Variants in TRPM7 observed in about 807,000 individuals in gnomAD.
The protein encoded by TRPM7 is transient receptor potential cation channel subfamily M member 7.
In TRPM7, 134 loss-of-function variants were observed where a neutral mutation model predicts 229.7. The observed-to-expected ratio is 0.58, with a 90% CI of 0.51 to 0.67. TRPM7 has a LOEUF of 0.67. Ranked by LOEUF, TRPM7 falls within the 30% of genes least tolerant of loss-of-function variation. The pLI is 0.00. For synonymous variants in TRPM7, 699 were observed against 715.2 expected (o/e 0.98, Z 0.36); for missense variants, 1,901 against 2,210.0 (o/e 0.86, Z 2.80).
Position 50,679,195 on chromosome 15 carries a change from GTTGGTGGT to G in TRPM7, c.3+7328_3+7335del, listed in dbSNP as rs1462597718. The stretch of plus-strand genomic sequence containing the variant: ...TCAAAAAAATTTTTTAATTAGCCAG[GTTGGTGGT>G]ATGGGCCTGTCATTTTAGGTACTTG... On this transcript the variant is annotated intron_variant, in intron 1 of 38. Coordinates refer to ENST00000646667, the MANE Select transcript of TRPM7 (RefSeq NM_017672.6). Among the ~76,000 whole-genome samples the G allele has an allele frequency of 2.3e-4, 34 of 150,986 alleles. 2 individuals are homozygous for G. The highest frequency in any genetic ancestry group is 5.6e-4 in the African/African-American group (23 of 40,828).
chr15:50,605,189 C>T (rs560782989), intron 20 of TRPM7, 45 bp from the exon 21 acceptor site: 2 of 1,454,808 alleles, frequency 1.4e-6, no homozygotes, highest in South Asian at 2.7e-5. Context: ...CAGTTTATTC[C>T]TATTAAAACA....
chr15:50,611,407 C>T (rs2140474969), intron 16 of TRPM7, 86 bp from the exon 17 acceptor site: 4 of 946,944 alleles, frequency 4.2e-6, no homozygotes, highest in Middle Eastern at 2.4e-4. Context: ...ATACTTCCTA[C>T]TTTTTAATAT....
chr15:50,681,175 C>T lies in TRPM7; in HGVS notation c.3+5356G>A, dbSNP rs142490147. 2.6e-3 allele frequency among the ~76,000 whole-genome samples: 400 copies of T among 151,934 alleles called. 1 individual carries two copies. Among genetic ancestry groups the T allele is most frequent in the African/African-American group, 9.3e-3 (384 of 41,404 alleles). Reference sequence around the variant, plus strand: ...CTGAGGCAGGAGAATCACTTGAACCCGGGAGGCAGAGGTTGCAGTGAGCCA... The same window carrying T: ...CTGAGGCAGGAGAATCACTTGAACCTGGGAGGCAGAGGTTGCAGTGAGCCA... On this transcript the variant is annotated intron_variant, in intron 1 of 38. Transcript: ENST00000646667.
At chr15:50,593,541 A>G in intron 25 of TRPM7, 76 bp downstream of exon 25, 1 of 1,434,236 alleles carries the variant, frequency 7.0e-7, no homozygotes, top group Non-Finnish European at 9.5e-7. Flanking sequence ...AAATTTAACA[A>G]TGACCATGTA....
At position 50,569,878 on chromosome 15, in the gene TRPM7, A is replaced by G. The variant is rs1007765113; in HGVS notation, c.5467+9T>C. The G allele has an allele frequency of 4.4e-6, 7 of 1,590,284 alleles. No individual in the cohort carries two copies. In the Admixed American group the frequency reaches 8.9e-5, roughly 20 times the overall value. On this transcript the variant is annotated intron_variant, in intron 38 of 38. Coordinates refer to ENST00000646667, the MANE Select transcript of TRPM7 (RefSeq NM_017672.6). ...ATTTATATACTATACTGATTAAGAA[A>G]TTTTTTACCTGGAAGTTTAAGCTTT...
intron 8 of TRPM7, among the ~76,000 whole-genome samples, chr15:50,633,374 T>C (rs1408511005): frequency 6.6e-6 from 1 of 152,196 alleles, no homozygotes; most frequent in Non-Finnish European, 1.5e-5. Context: ...TACATTTTCA[T>C]GGCTCAAAAA....
At chr15:50,588,285 A>C (rs947467060) in intron 27 of TRPM7, 84 of 961,390 alleles carry the variant, frequency 8.7e-5, no homozygotes, top group African/African-American at 1.4e-4. Context: ...AACTATTCTC[A>C]AACTTAAAGG....
intron 12 of TRPM7, among the ~76,000 whole-genome samples, chr15:50,622,192 AT>A (rs1189460020): frequency 6.6e-6 from 1 of 152,176 alleles, no homozygotes. Context: ...TAAAACTCTC[AT>A]TTTTACATTC....
chr15:50,609,991 T>TA, intron 17 of TRPM7, 30 bp from the exon 18 acceptor site: 1 of 1,431,256 alleles, frequency 7.0e-7, no homozygotes, highest in Non-Finnish European at 9.6e-7. Context: ...ATTTTGCATT[T>TA]AAAAATTAAT....
Position 50,605,163 on chromosome 15 carries a change from C to T in TRPM7, c.2710-19G>A, listed in dbSNP as rs368338189. The T allele has an allele frequency of 6.5e-7, 1 of 1,542,934 alleles. No homozygotes were observed. The highest frequency in any genetic ancestry group is 1.4e-5 in the African/African-American group (1 of 71,862). On this transcript the variant is annotated intron_variant, in intron 20 of 38. Coordinates refer to ENST00000646667, the MANE Select transcript of TRPM7 (RefSeq NM_017672.6). Reference sequence around the variant, plus strand: ...TAAAGATCTAAAGGTTTAACAACAACAAAAAAAAGTGTAATCAGTTTATTC... The same window carrying T: ...TAAAGATCTAAAGGTTTAACAACAATAAAAAAAAGTGTAATCAGTTTATTC...
At chr15:50,621,045 G>C (rs1049440772) in intron 12 of TRPM7, among the ~76,000 whole-genome samples, 3 of 151,142 alleles carry the variant, frequency 2.0e-5, no homozygotes, top group Non-Finnish European at 4.4e-5. Flanking sequence ...TGTAGTCCCA[G>C]CTACTCGGGA....
Position 50,602,577 on chromosome 15 carries a change from G to A in TRPM7, c.2988+2289C>T, listed in dbSNP as rs551953208. On this transcript the variant is annotated intron_variant, in intron 21 of 38. Transcript: ENST00000646667. ...TGGTTACTAGCTCTTCTATCTTCAC[G>A]TAACAATTTATCATATTTTTCAATA... Among the ~76,000 whole-genome samples, 15 of 152,138 alleles carry A rather than the reference G, an allele frequency of 9.9e-5. No homozygotes were observed. In the South Asian group the frequency reaches 2.1e-3, roughly 21 times the overall value.
chr15:50,588,223 T>A (rs2059393163), intron 27 of TRPM7: 7 of 984,804 alleles, frequency 7.1e-6, no homozygotes. Flanking sequence ...TACTCCATAA[T>A]CACATTTCTT....
rs776413745 is a variant in TRPM7 at position 50,580,938 on chromosome 15, A to C, written c.4558-30T>G. 17 of 1,558,530 alleles carry C rather than the reference A, an allele frequency of 1.1e-5. No individual in the cohort carries two copies. The East Asian group carries it at 1.6e-4, about 15-fold the overall frequency. On this transcript the variant is annotated intron_variant, in intron 29 of 38. Transcript: ENST00000646667. Reference sequence around the variant, plus strand: ...AGTAAAAAAAAAACACACACACACAAAAACCTTAAAGACAAAAATCTCTAG... The same window carrying C: ...AGTAAAAAAAAAACACACACACACACAAACCTTAAAGACAAAAATCTCTAG...
chr15:50,580,180 T>C (rs995754309), intron 30 of TRPM7, among the ~76,000 whole-genome samples: 3 of 152,242 alleles, frequency 2.0e-5, no homozygotes, highest in Non-Finnish European at 4.4e-5. Flanking sequence ...AACTCTACCA[T>C]GCTTCCAGTA....
At chr15:50,586,588 T>C in intron 27 of TRPM7, 100 bp from the exon 28 acceptor site, 1 of 696,542 alleles carries the variant, frequency 1.4e-6, no homozygotes, top group Non-Finnish European at 2.4e-6. Context: ...TTTAGCTCAA[T>C]ATGCTTTATT....
chr15:50,571,523 A>G (rs2053885246), intron 36 of TRPM7, among the ~76,000 whole-genome samples: 1 of 152,190 alleles, frequency 6.6e-6, no homozygotes, highest in Non-Finnish European at 1.5e-5. Context: ...GCAGCTTACT[A>G]AAGAAATAAC....
chr15:50,633,356 A>G (rs1374158080), intron 8 of TRPM7, among the ~76,000 whole-genome samples: 1 of 152,170 alleles, frequency 6.6e-6, no homozygotes, highest in African/African-American at 2.4e-5. Flanking sequence ...TCTTTTTTGA[A>G]TACTTAATAC....
intron 12 of TRPM7, among the ~76,000 whole-genome samples, chr15:50,622,731 C>T (rs1390233127): frequency 6.6e-6 from 1 of 151,950 alleles, no homozygotes; most frequent in African/African-American, 2.4e-5. Flanking sequence ...ACTAAAAATA[C>T]AAAAATTAGC....
Sources: allele counts gnomAD v4.1 joint callset (sites outside exome capture counted in the v4.1 genomes callset), GRCh38; gene constraint gnomAD v4.1.1; transcripts MANE v1.5; gene names NCBI Gene and HGNC (gene_info 2026-07-23, HGNC 2026-07-21).